The following GRID1 variants were observed in gnomAD, a reference collection of about 807,000 sequenced individuals.
The protein encoded by GRID1 is glutamate ionotropic receptor delta type subunit 1, also known as glutamate receptor ionotropic, delta-1.
GRID1 carries 28 observed loss-of-function variants against 98.0 expected under a neutral mutation model. The observed-to-expected ratio is 0.29, with a 90% CI of 0.21 to 0.39. GRID1 has a LOEUF of 0.39. GRID1 is among the 10% of genes least tolerant of loss of function. The pLI, the probability that GRID1 is intolerant of heterozygous loss-of-function variation, is 1.00. For missense variants in GRID1, 1,111 were observed against 1,340.5 expected, an observed-to-expected ratio of 0.83 and a Z score of 2.67; for synonymous variants, 553 against 538.5, an observed-to-expected ratio of 1.03 and a Z score of -0.37.
chr10:86,210,299 G>A (rs1453534653), intron 2 of GRID1, among the ~76,000 whole-genome samples: 3 of 152,128 alleles, frequency 2.0e-5, no homozygotes, highest in African/African-American at 4.8e-5. Context: ...AAGAGCATTC[G>A]GATCTCAAGC....
At chr10:85,716,577 TA>T (rs992423372) in intron 12 of GRID1, among the ~76,000 whole-genome samples, 3 of 148,876 alleles carry the variant, frequency 2.0e-5, no homozygotes, top group Admixed American at 1.3e-4. Context: ...TAAAATAAAA[TA>T]AAAAAGAAAA....
chr10:86,256,559 A>C lies in GRID1; in HGVS notation c.236-49911T>G, dbSNP rs573324176. 2.0e-5 allele frequency among the ~76,000 whole-genome samples: 3 copies of C among 152,238 alleles called. No homozygotes were observed. In the South Asian group the frequency reaches 6.2e-4, roughly 32 times the overall value. ...GGTCCAAAAGTGACGATTGACAGAG[A>C]AGCTCTCTCTCTCTCTCCATCCCAA... On this transcript the variant is annotated intron_variant, in intron 2 of 15. Transcript: ENST00000327946.
intron 3 of GRID1, among the ~76,000 whole-genome samples, chr10:86,154,326 T>G (rs1845212854): frequency 6.6e-6 from 1 of 152,176 alleles, no homozygotes; most frequent in Admixed American, 6.5e-5. Flanking sequence ...GGAGCAGGAT[T>G]TTCATTCCTT....
intron 8 of GRID1, among the ~76,000 whole-genome samples, chr10:85,750,040 T>A (rs1842031684): frequency 6.6e-6 from 1 of 152,210 alleles, no homozygotes; most frequent in African/African-American, 2.4e-5. Flanking sequence ...TTGTTTGACC[T>A]ATTTTCAGCA....
At chr10:86,101,903 C>T (rs11818062) in intron 4 of GRID1, among the ~76,000 whole-genome samples, 5,885 of 152,160 alleles carry the variant, frequency 0.039, 355 homozygotes, top group African/African-American at 0.13. Flanking sequence ...GAATAATATT[C>T]CATTGTATGG....
At chr10:86,200,717 T>C (rs1845937787) in intron 3 of GRID1, among the ~76,000 whole-genome samples, 1 of 152,054 alleles carries the variant, frequency 6.6e-6, no homozygotes, top group African/African-American at 2.4e-5. Context: ...AAAGAAGATA[T>C]TGCCACACTT....
chr10:85,966,100 T>C (rs1473643966), intron 4 of GRID1, among the ~76,000 whole-genome samples: 1 of 152,194 alleles, frequency 6.6e-6, no homozygotes, highest in African/African-American at 2.4e-5. Context: ...GGAAGATCCT[T>C]ATGCACACGG....
At chr10:86,311,414 C>T (rs1847830656) in intron 2 of GRID1, among the ~76,000 whole-genome samples, 1 of 152,284 alleles carries the variant, frequency 6.6e-6, no homozygotes, top group Middle Eastern at 3.4e-3. Flanking sequence ...TATACTTGCT[C>T]CCATAATGCT....
At chr10:85,693,984 G>A (rs187864805) in intron 12 of GRID1, among the ~76,000 whole-genome samples, 1 of 152,270 alleles carries the variant, frequency 6.6e-6, no homozygotes, top group Non-Finnish European at 1.5e-5. Context: ...ATTGTGAACA[G>A]ACAACATGCA....
intron 12 of GRID1, among the ~76,000 whole-genome samples, chr10:85,713,791 A>C (rs1841607791): frequency 6.6e-6 from 1 of 151,970 alleles, no homozygotes; most frequent in African/African-American, 2.4e-5. Context: ...ATCATTAGAG[A>C]AAATTTAACA....
At chr10:86,194,288 T>C (rs1845844042) in intron 3 of GRID1, among the ~76,000 whole-genome samples, 1 of 152,050 alleles carries the variant, frequency 6.6e-6, no homozygotes, top group African/African-American at 2.4e-5. Context: ...AGAAGCCACC[T>C]GAATCAAGAC....
chr10:85,626,823 A>G (rs752491794), intron 13 of GRID1, among the ~76,000 whole-genome samples: 10 of 152,188 alleles, frequency 6.6e-5, no homozygotes, highest in Non-Finnish European at 1.2e-4. Flanking sequence ...TGCAGAGAAA[A>G]AGACAATTTT....
chr10:85,713,361 T>C (rs1309322771), intron 12 of GRID1, among the ~76,000 whole-genome samples: 4 of 151,746 alleles, frequency 2.6e-5, no homozygotes, highest in African/African-American at 4.8e-5. Flanking sequence ...GCTGAAGAAA[T>C]AGAAAATCTG....
chr10:85,611,896 A>C (rs1334185456), intron 15 of GRID1, among the ~76,000 whole-genome samples: 1 of 152,158 alleles, frequency 6.6e-6, no homozygotes, highest in Non-Finnish European at 1.5e-5. Context: ...ACCATCAACT[A>C]TTCCTTTCAG....
intron 2 of GRID1, among the ~76,000 whole-genome samples, chr10:86,212,836 A>C (rs1367167484): frequency 6.6e-6 from 1 of 152,236 alleles, no homozygotes; most frequent in Non-Finnish European, 1.5e-5. Context: ...TAAATTATTG[A>C]TCTATGGAGA....
At chr10:86,018,677 A>G (rs1267408724) in intron 4 of GRID1, among the ~76,000 whole-genome samples, 1 of 152,168 alleles carries the variant, frequency 6.6e-6, no homozygotes, top group African/African-American at 2.4e-5. Context: ...GCCAGCCAGA[A>G]TGCTGGGGCC....
Position 85,844,328 on chromosome 10 carries a change from G to A in GRID1, c.1233+10168C>T, listed in dbSNP as rs371570798. Among the ~76,000 whole-genome samples, 36 of 151,956 alleles carry A rather than the reference G, an allele frequency of 2.4e-4. No individual in the cohort carries two copies. The East Asian group carries it at 5.2e-3, about 22-fold the overall frequency. On this transcript the variant is annotated intron_variant, in intron 8 of 15. Coordinates refer to ENST00000327946, the MANE Select transcript of GRID1 (RefSeq NM_017551.3). ...ATGTGGTCATAAAAGAGAAAATGGG[G>A]AAGGAATCTTCTTGGTAACAAAACT...
chr10:86,007,806 T>C (rs534306555), intron 4 of GRID1, among the ~76,000 whole-genome samples: 1 of 150,014 alleles, frequency 6.7e-6, no homozygotes, highest in South Asian at 2.1e-4. Flanking sequence ...TTTTGTTTTT[T>C]TTGTTTTTTG....
chr10:86,151,058 T>A (rs929794366), intron 3 of GRID1, among the ~76,000 whole-genome samples: 4 of 152,158 alleles, frequency 2.6e-5, no homozygotes, highest in Non-Finnish European at 5.9e-5. Flanking sequence ...GCATATACTG[T>A]CTCATTTAGT....
Sources: gnomAD v4.1 joint callset for allele counts (sites outside exome capture counted in the v4.1 genomes callset) on GRCh38, gnomAD v4.1.1 for gene constraint, MANE v1.5 for transcripts, NCBI Gene and HGNC (gene_info 2026-07-23, HGNC 2026-07-21) for gene names.